Variants in SH2D3C observed in about 807,000 individuals in gnomAD.
SH2D3C encodes SH2 domain-containing protein 3C.
A neutral mutation model predicts 75.2 loss-of-function variants in SH2D3C; 25 were observed. That is an observed-to-expected ratio of 0.33 (90% CI 0.24 to 0.46). SH2D3C has a LOEUF of 0.46. Among genes scored for constraint, SH2D3C ranks in the 20% least tolerant of loss-of-function variants. SH2D3C has a pLI of 1.00. For missense variants in SH2D3C, 933 were observed against 1,165.3 expected (o/e 0.80, Z 2.90); for synonymous variants, 450 against 473.7 (o/e 0.95, Z 0.65).
In SH2D3C at chr9:127,761,629, A is replaced by C; in HGVS notation, c.537T>G (p.Ala179=). The C allele has an allele frequency of 6.2e-7, 1 of 1,612,522 alleles. No individual in the cohort carries two copies. Among genetic ancestry groups the C allele is most frequent in the Non-Finnish European group, 8.5e-7 (1 of 1,179,232 alleles). ...CTCCTACCTTCACATAGTCGCTGCC[A>C]GCCTCTGGCTCTCCAGCAGCCCTGG... The part of the protein sequence containing the change: ...HSERAAGEPE[A]GSDYVKFSKE... Residue 179 remains alanine (A), a synonymous_variant, in exon 3 of 12, where the codon GCT becomes GCG. Transcript: ENST00000314830.
chr9:127,756,279 G>T (rs1845377216), intron 3 of SH2D3C, among the ~76,000 whole-genome samples: 1 of 152,208 alleles, frequency 6.6e-6, no homozygotes, highest in African/African-American at 2.4e-5. Flanking sequence ...TCCAGCCCGG[G>T]TGATGGAGCA....
At chr9:127,748,816 T>C (rs927104353) in intron 5 of SH2D3C, among the ~76,000 whole-genome samples, 2 of 152,194 alleles carry the variant, frequency 1.3e-5, no homozygotes, top group Admixed American at 1.3e-4. Context: ...GATGCCCACC[T>C]TGGCCTAGCT....
At chr9:127,743,805 T>C (rs1262146616) in intron 7 of SH2D3C, among the ~76,000 whole-genome samples, 1 of 152,168 alleles carries the variant, frequency 6.6e-6, no homozygotes, top group African/African-American at 2.4e-5. Flanking sequence ...TGTTCAAAGA[T>C]TTAACAAAGC....
rs150089080 is a variant in SH2D3C, at chr9:127,751,159, G to T, written c.684+13C>A. The T allele has an allele frequency of 1.2e-6, 2 of 1,612,928 alleles. No homozygotes were observed. The highest frequency in any genetic ancestry group is 8.5e-7 in the Non-Finnish European group (1 of 1,179,870). The stretch of plus-strand genomic sequence containing the variant: ...AGGGTCCCGGGTTGAAGTCCAGCTC[G>T]GGGCCTACTCACCTCTCGGGGGATG... On this transcript the variant is annotated intron_variant, in intron 4 of 11. Coordinates refer to ENST00000314830, the MANE Select transcript of SH2D3C (RefSeq NM_170600.3). The surrounding 1 kb of genome is among the most constrained non-coding windows in gnomAD (Gnocchi z 4.1).
Position 127,739,551 on chromosome 9 carries a change from G to A in SH2D3C, c.2407+131C>T. ...AGAAAAGAAAAGACATGAGAGGAAGGGGTCAGGGAGACAGGGCAGGACAGA... is the reference window on the plus strand; with the variant it reads ...AGAAAAGAAAAGACATGAGAGGAAGAGGTCAGGGAGACAGGGCAGGACAGA... On this transcript the variant is annotated intron_variant, in intron 11 of 11. Coordinates refer to ENST00000314830, the MANE Select transcript of SH2D3C (RefSeq NM_170600.3). The surrounding 1 kb of genome is among the most constrained non-coding windows in gnomAD (Gnocchi z 4.3). 1.4e-6 allele frequency: 1 copy of A among 696,844 alleles called. No homozygotes were observed. The highest frequency in any genetic ancestry group is 2.3e-6 in the Non-Finnish European group (1 of 433,152). The allele number at this position is 696,844 out of a possible 1,614,324, so 43.2% of individuals were successfully genotyped here.
chr9:127,745,193 C>T, intron 6 of SH2D3C, 94 bp from the exon 7 acceptor site: 2 of 1,072,144 alleles, frequency 1.9e-6, no homozygotes, highest in South Asian at 4.2e-5. Flanking sequence ...TCCCTCACTC[C>T]TTGTAGGGAG....
Position 127,738,793 on chromosome 9 carries a change from C to A in SH2D3C, c.2536G>T (p.Ala846Ser). The change falls in exon 12 of 12, where the codon GCC becomes TCC. Residue 846 changes from alanine (A) to serine (S), a missense_variant. Coordinates refer to ENST00000314830, the MANE Select transcript of SH2D3C (RefSeq NM_170600.3). This position sits in a 1 kb window ranked among gnomAD's most constrained non-coding sequence, Gnocchi z 5.0. ...RYEKFDKVLT[A>S]LSHKLEPAVR... The stretch of plus-strand genomic sequence containing the variant: ...GCAGGTTCCAGCTTGTGGGACAGGG[C>A]AGTGAGGACCTTGTCGAACTTCTCA... The A allele has an allele frequency of 1.2e-6, 2 of 1,609,422 alleles. No individual in the cohort carries two copies. Among genetic ancestry groups the A allele is most frequent in the Non-Finnish European group, 8.5e-7 (1 of 1,178,210 alleles).
At chr9:127,757,736 C>A (rs1394851813) in intron 3 of SH2D3C, among the ~76,000 whole-genome samples, 1 of 151,408 alleles carries the variant, frequency 6.6e-6, no homozygotes, top group East Asian at 1.9e-4. Context: ...TCACTGCAAC[C>A]TCCAATTCCC....
intron 2 of SH2D3C, among the ~76,000 whole-genome samples, chr9:127,772,266 G>C (rs1238607416): frequency 6.9e-6 from 1 of 145,088 alleles, no homozygotes; most frequent in Non-Finnish European, 1.5e-5. Flanking sequence ...TTTTGAGTTG[G>C]AGTCTCGCTT....
At chr9:127,742,778 C>A in intron 8 of SH2D3C, 71 bp downstream of exon 8, 1 of 1,233,254 alleles carries the variant, frequency 8.1e-7, no homozygotes, top group Non-Finnish European at 1.1e-6. Flanking sequence ...ATTGGCCAAC[C>A]CGCCCCGTCC....
At chr9:127,772,578 A>G (rs1845755741) in intron 2 of SH2D3C, among the ~76,000 whole-genome samples, 1 of 151,724 alleles carries the variant, frequency 6.6e-6, no homozygotes, top group Admixed American at 6.6e-5. Context: ...TTTTTTCTTT[A>G]TTTCAACAGG....
In SH2D3C at chr9:127,739,660, C is replaced by A. The variant is rs1564407866; in HGVS notation, c.2407+22G>T. On this transcript the variant is annotated intron_variant, in intron 11 of 11. Transcript: ENST00000314830. This position sits in a 1 kb window ranked among gnomAD's most constrained non-coding sequence, Gnocchi z 4.3. ...GGGAGGCCCAGGCCTGCAAGCCCCC[C>A]AAGATGCCACCCGCCACTCACCCTG... The A allele has an allele frequency of 1.3e-6, 2 of 1,586,204 alleles. No homozygotes were observed. Among genetic ancestry groups the A allele is most frequent in the Non-Finnish European group, 1.7e-6 (2 of 1,162,774 alleles).
intron 2 of SH2D3C, chr9:127,766,826 T>C: frequency 8.8e-7 from 1 of 1,131,688 alleles, no homozygotes; most frequent in Non-Finnish European, 1.2e-6. Flanking sequence ...TGCCTTGGCC[T>C]CCCAAAGTGC....
chr9:127,778,664 A>G lies in SH2D3C; in HGVS notation c.-37T>C, dbSNP rs1193815963. ...GTGTGAAGCCCTTGGCCAGCTTGCG[A>G]GTGGCCACTCAAGGCTCGGGACATC... On this transcript the variant is annotated 5_prime_UTR_variant, in exon 1 of 12. Coordinates refer to ENST00000314830, the MANE Select transcript of SH2D3C (RefSeq NM_170600.3). 5.7e-6 allele frequency: 9 copies of G among 1,591,424 alleles called. No homozygotes were observed. The highest frequency in any genetic ancestry group is 6.0e-6 in the Non-Finnish European group (7 of 1,159,486).
In SH2D3C at chr9:127,749,636, G is replaced by A. The variant is rs776165884; in HGVS notation, c.714C>T (p.Gly238=). The A allele has an allele frequency of 7.0e-6, 11 of 1,568,142 alleles. No homozygotes were observed. The highest frequency in any genetic ancestry group is 2.4e-5 in the East Asian group (1 of 42,226). ...EVSETLVQRN[G]DFLIRDSLTS... ...TGAGTGAGTCCCGGATGAGGAAGTC[G>A]CCGTTGCGTTGTACCAAGGTCTCCG... The change falls in exon 5 of 12, where the codon GGC becomes GGT. Residue 238 remains glycine (G), a synonymous_variant. Coordinates refer to ENST00000314830, the MANE Select transcript of SH2D3C (RefSeq NM_170600.3). This position sits in a 1 kb window ranked among gnomAD's most constrained non-coding sequence, Gnocchi z 5.9.
intron 7 of SH2D3C, among the ~76,000 whole-genome samples, chr9:127,743,170 T>G (rs1844918035): frequency 6.6e-6 from 1 of 152,174 alleles, no homozygotes; most frequent in Admixed American, 6.6e-5. Flanking sequence ...AAGTAGGAAT[T>G]AATAGGAAAA....
chr9:127,743,054 TA>T, intron 7 of SH2D3C, 90 bp from the exon 8 acceptor site: 1 of 863,822 alleles, frequency 1.2e-6, no homozygotes. Context: ...AGGGGGTAGG[TA>T]GCCTGGTTGG....
intron 2 of SH2D3C, among the ~76,000 whole-genome samples, chr9:127,763,566 G>T (rs1211846505): frequency 2.0e-5 from 3 of 152,164 alleles, no homozygotes; most frequent in African/African-American, 7.2e-5. Context: ...ATAGTAAAGA[G>T]CCAATTTTAA....
At chr9:127,771,091 C>G in intron 2 of SH2D3C, 1 of 978,140 alleles carries the variant, frequency 1.0e-6, no homozygotes, top group Non-Finnish European at 1.5e-6. Flanking sequence ...CTAACCCCGC[C>G]CCCAAATTTG....
Sources: gnomAD v4.1 joint callset for allele counts (sites outside exome capture counted in the v4.1 genomes callset) on GRCh38, gnomAD v4.1.1 for gene constraint, Gnocchi (gnomAD v3.1) non-coding constraint, MANE v1.5 for transcripts, NCBI Gene and HGNC (gene_info 2026-07-23, HGNC 2026-07-21) for gene names.